EPHA6: variants seen among roughly 807,000 people sequenced by gnomAD.
EPHA6 encodes ephrin type-A receptor 6.
A neutral mutation model predicts 112.0 loss-of-function variants in EPHA6; 50 were observed. The ratio of observed to expected loss-of-function variants is 0.45; its 90% CI spans 0.36 to 0.56. The LOEUF (loss-of-function observed/expected upper bound fraction) is 0.56. Among genes scored for constraint, EPHA6 ranks in the 20% least tolerant of loss-of-function variants. EPHA6 has a pLI of 0.00. For missense variants in EPHA6, 1,280 were observed against 1,417.4 expected (o/e 0.90, Z 1.56); for synonymous variants, 529 against 490.7 (o/e 1.08, Z -1.03).
At chr3:96,869,610 G>A (rs1042796392) in intron 2 of EPHA6, among the ~76,000 whole-genome samples, 1 of 152,004 alleles carries the variant, frequency 6.6e-6, no homozygotes, top group Non-Finnish European at 1.5e-5. Flanking sequence ...CATTTTGCAA[G>A]ACTTAGAATT....
At chr3:97,651,038 T>C (rs2094104424) in intron 14 of EPHA6, among the ~76,000 whole-genome samples, 1 of 152,118 alleles carries the variant, frequency 6.6e-6, no homozygotes, top group South Asian at 2.1e-4. Context: ...TATAGATTTG[T>C]GGCAAGCAAG....
chr3:97,666,753 A>C (rs1418816983), intron 14 of EPHA6, among the ~76,000 whole-genome samples: 1 of 152,202 alleles, frequency 6.6e-6, no homozygotes, highest in Admixed American at 6.5e-5. Context: ...TTAACATAAG[A>C]ATTTGAGAGG....
chr3:97,631,208 C>G (rs2093900095), intron 13 of EPHA6, among the ~76,000 whole-genome samples: 2 of 151,996 alleles, frequency 1.3e-5, no homozygotes, highest in East Asian at 3.9e-4. Context: ...AAAGGACGAT[C>G]AGTACCCCAA....
intron 3 of EPHA6, among the ~76,000 whole-genome samples, chr3:97,059,402 G>A (rs1278866905): frequency 6.6e-6 from 1 of 151,988 alleles, no homozygotes; most frequent in Non-Finnish European, 1.5e-5. Context: ...ATCATTTTAC[G>A]ATTTGATAAG....
At chr3:97,334,486 T>G (rs943780223) in intron 5 of EPHA6, among the ~76,000 whole-genome samples, 5 of 149,554 alleles carry the variant, frequency 3.3e-5, no homozygotes, top group Non-Finnish European at 5.9e-5. Flanking sequence ...TTCTTTTTTT[T>G]TTTTTTTTGA....
At chr3:97,007,423 G>A (rs574012169) in intron 3 of EPHA6, among the ~76,000 whole-genome samples, 21 of 91,474 alleles carry the variant, frequency 2.3e-4, no homozygotes, top group African/African-American at 6.3e-4. Context: ...TTAGGATTGC[G>A]GTCCCTGCTT....
At chr3:97,273,882 A>G (rs977868988) in intron 5 of EPHA6, among the ~76,000 whole-genome samples, 4 of 152,194 alleles carry the variant, frequency 2.6e-5, no homozygotes, top group African/African-American at 9.6e-5. Context: ...TTGTCTACCC[A>G]GACTAAGAGG....
At chr3:96,908,523 G>A (rs982351020) in intron 2 of EPHA6, among the ~76,000 whole-genome samples, 6 of 151,668 alleles carry the variant, frequency 4.0e-5, no homozygotes, top group East Asian at 1.9e-4. Context: ...ATTAGTTCTC[G>A]TTTGAGGTCA....
intron 11 of EPHA6, among the ~76,000 whole-genome samples, chr3:97,533,735 A>G (rs995842498): frequency 1.3e-5 from 2 of 152,050 alleles, no homozygotes; most frequent in Admixed American, 1.3e-4. Context: ...ACGAGTCTCT[A>G]TGCCTAATAA....
At chr3:97,477,462 G>C (rs2091408417) in intron 8 of EPHA6, among the ~76,000 whole-genome samples, 1 of 149,590 alleles carries the variant, frequency 6.7e-6, no homozygotes, top group African/African-American at 2.5e-5. Context: ...GGAGGGGAGG[G>C]GAGGGGAGGA....
At position 96,974,186 on chromosome 3, in the gene EPHA6, AAAT is replaced by A. The variant is rs1317093267; in HGVS notation, c.451-13139_451-13137del. Reference sequence around the variant, plus strand: ...ATTGTATTACACTTATAATAATTACAAATAATATATTAAAATTATATTATTAAT... The same window carrying A: ...ATTGTATTACACTTATAATAATTACAAATATATTAAAATTATATTATTAAT... On this transcript the variant is annotated intron_variant, in intron 2 of 17. Coordinates refer to ENST00000389672, the MANE Select transcript of EPHA6 (RefSeq NM_001080448.3). 4.1e-5 allele frequency among the ~76,000 whole-genome samples: 6 copies of A among 147,150 alleles called. No homozygotes were observed. The South Asian group carries it at 6.3e-4, about 15-fold the overall frequency.
intron 7 of EPHA6, among the ~76,000 whole-genome samples, chr3:97,472,728 A>C (rs1362538300): frequency 1.3e-5 from 2 of 151,952 alleles, no homozygotes; most frequent in Non-Finnish European, 1.5e-5. Flanking sequence ...ATTGCTCTGA[A>C]AGATTGTGAC....
At chr3:97,040,580 A>C (rs1233756828) in intron 3 of EPHA6, among the ~76,000 whole-genome samples, 1 of 152,006 alleles carries the variant, frequency 6.6e-6, no homozygotes, top group African/African-American at 2.4e-5. Flanking sequence ...AGTGTTTTCT[A>C]TATTATTATT....
intron 3 of EPHA6, among the ~76,000 whole-genome samples, chr3:97,132,528 T>C (rs1337480900): frequency 6.6e-6 from 1 of 152,028 alleles, no homozygotes; most frequent in Non-Finnish European, 1.5e-5. Flanking sequence ...TAAGGAGTTA[T>C]TGACATGTTT....
chr3:97,102,240 C>T (rs1040381967), intron 3 of EPHA6, among the ~76,000 whole-genome samples: 8 of 152,034 alleles, frequency 5.3e-5, no homozygotes, highest in Admixed American at 2.6e-4. Flanking sequence ...AGACACCAAA[C>T]GTATGAGTGA....
At chr3:96,937,502 A>G (rs1391400893) in intron 2 of EPHA6, among the ~76,000 whole-genome samples, 1 of 152,082 alleles carries the variant, frequency 6.6e-6, no homozygotes, top group African/African-American at 2.4e-5. Flanking sequence ...GATTCTGGAT[A>G]TTAGCCCTCT....
intron 10 of EPHA6, among the ~76,000 whole-genome samples, chr3:97,510,595 GGA>G (rs2107589034): frequency 6.6e-6 from 1 of 152,264 alleles, no homozygotes; most frequent in East Asian, 1.9e-4. Flanking sequence ...AGATGCCAGT[GGA>G]GCTCTGTTAT....
At chr3:97,331,576 C>A (rs527964977) in intron 5 of EPHA6, among the ~76,000 whole-genome samples, 13 of 152,172 alleles carry the variant, frequency 8.5e-5, no homozygotes, top group Admixed American at 2.6e-4. Context: ...ACCACTGATC[C>A]CACAGAAATA....
At chr3:97,499,580 C>T (rs986378032) in intron 10 of EPHA6, among the ~76,000 whole-genome samples, 12 of 152,132 alleles carry the variant, frequency 7.9e-5, no homozygotes, top group Non-Finnish European at 1.3e-4. Flanking sequence ...ATCTATTGTA[C>T]GCTGAAGCTA....
Sources: gnomAD v4.1 joint callset for allele counts (sites outside exome capture counted in the v4.1 genomes callset) on GRCh38, gnomAD v4.1.1 for gene constraint, MANE v1.5 for transcripts, NCBI Gene and HGNC (gene_info 2026-07-23, HGNC 2026-07-21) for gene names.